The following ABLIM1 variants were observed in gnomAD, a reference collection of about 807,000 sequenced individuals.
ABLIM1 encodes the protein actin-binding LIM protein 1.
Under a neutral mutation model 107.0 loss-of-function variants are expected in ABLIM1, and 40 were observed. That is an observed-to-expected ratio of 0.37 (90% CI 0.29 to 0.49). ABLIM1 has a LOEUF of 0.49. ABLIM1 is among the 20% of genes least tolerant of loss of function. The pLI, the probability that ABLIM1 is intolerant of heterozygous loss-of-function variation, is 0.97. For missense variants in ABLIM1, 857 were observed against 1,008.5 expected, an observed-to-expected ratio of 0.85 and a Z score of 2.04; for synonymous variants, 357 against 357.3, an observed-to-expected ratio of 1.00 and a Z score of 0.01.
intron 1 of ABLIM1, among the ~76,000 whole-genome samples, chr10:114,747,271 A>T (rs808318): frequency 0.057 from 8,747 of 152,294 alleles, 328 homozygotes; most frequent in Middle Eastern, 0.095. Flanking sequence ...GGCCATGAAG[A>T]TCCCCAAATG....
chr10:114,476,960 G>A (rs981517886), intron 8 of ABLIM1, among the ~76,000 whole-genome samples: 3 of 152,082 alleles, frequency 2.0e-5, no homozygotes, highest in African/African-American at 7.2e-5. Context: ...CCTGTGCCAA[G>A]CACTTCCCAG....
At chr10:114,461,812 CTG>C (rs1241993816) in intron 12 of ABLIM1, among the ~76,000 whole-genome samples, 1 of 151,740 alleles carries the variant, frequency 6.6e-6, no homozygotes. Context: ...GAGTGAGACT[CTG>C]TGTCAAAACA....
chr10:114,677,102 A>T (rs2080521701), intron 1 of ABLIM1, among the ~76,000 whole-genome samples: 1 of 151,632 alleles, frequency 6.6e-6, no homozygotes. Context: ...CCTCTGGGGG[A>T]CCCTCCTGGA....
intron 1 of ABLIM1, among the ~76,000 whole-genome samples, chr10:114,648,357 T>C (rs1183558447): frequency 6.6e-6 from 1 of 152,112 alleles, no homozygotes; most frequent in East Asian, 1.9e-4. Flanking sequence ...TAAGAAGGAA[T>C]ACGGTATTGA....
At position 114,431,595 on chromosome 10, in the gene ABLIM1, T is replaced by C. The variant is rs1245033224; in HGVS notation, c.*4665A>G. On this transcript the variant is annotated 3_prime_UTR_variant, in exon 23 of 23. Coordinates refer to ENST00000533213, the MANE Select transcript of ABLIM1 (RefSeq NM_002313.7). ...TGGTTTCCTCTGCTGTAAAGAAACG[T>C]ATGCATATATGATCAGTAAGCAGCT... The C allele has an allele frequency of 6.6e-6, 1 of 152,202 alleles. No homozygotes were observed. The highest frequency in any genetic ancestry group is 2.4e-5 in the African/African-American group (1 of 41,452). The allele number at this position is 152,202 out of a possible 1,614,324, so 9.4% of individuals were successfully genotyped here. A position where few individuals can be genotyped will look rare whatever the true frequency, so the allele number is the denominator to read the frequency against.
intron 3 of ABLIM1, among the ~76,000 whole-genome samples, chr10:114,573,353 A>C (rs1308851598): frequency 2.0e-5 from 3 of 152,220 alleles, no homozygotes; most frequent in Non-Finnish European, 4.4e-5. Context: ...TATGAATATA[A>C]CTTCTCAACT....
intron 4 of ABLIM1, among the ~76,000 whole-genome samples, chr10:114,549,100 G>T (rs187422697): frequency 1.3e-5 from 2 of 152,114 alleles, no homozygotes; most frequent in East Asian, 3.8e-4. Context: ...TACCTAGCAC[G>T]TGGGCTGGGT....
At chr10:114,536,621 A>G (rs2066067544) in intron 6 of ABLIM1, among the ~76,000 whole-genome samples, 2 of 152,016 alleles carry the variant, frequency 1.3e-5, no homozygotes, top group Non-Finnish European at 2.9e-5. Context: ...GTTCCTTTTT[A>G]TGGCTGAATA....
chr10:114,588,614 C>A (rs1019761094), intron 2 of ABLIM1, among the ~76,000 whole-genome samples: 2 of 150,168 alleles, frequency 1.3e-5, no homozygotes, highest in African/African-American at 4.9e-5. Flanking sequence ...CCTTCCTCAG[C>A]CTCCTGAGTA....
chr10:114,435,537 T>C lies in ABLIM1; in HGVS notation c.*723A>G, dbSNP rs1049370447. The C allele has an allele frequency of 6.6e-6, 1 of 152,156 alleles. No individual in the cohort carries two copies. The allele number at this position is 152,156 out of a possible 1,614,324, so 9.4% of individuals were successfully genotyped here. On this transcript the variant is annotated 3_prime_UTR_variant, in exon 23 of 23. Coordinates refer to ENST00000533213, the MANE Select transcript of ABLIM1 (RefSeq NM_002313.7). ...GACCTGCTATGGGAAGCAGAAAGAG[T>C]TAAGGGAAGGTTTCCTTTCATTCCT...
intron 1 of ABLIM1, among the ~76,000 whole-genome samples, chr10:114,701,476 G>T (rs2081306145): frequency 6.6e-6 from 1 of 152,120 alleles, no homozygotes; most frequent in Non-Finnish European, 1.5e-5. Flanking sequence ...AATGTTCACA[G>T]CAGCTTTATT....
chr10:114,778,236 C>G, the ABLIM1 span: 1 of 152,386 alleles, frequency 6.6e-6, no homozygotes, highest in Non-Finnish European at 1.5e-5. Flanking sequence ...TAGTGTCACA[C>G]ACCTGTGGTC....
upstream of ABLIM1, among the ~76,000 whole-genome samples, chr10:114,689,714 C>CTT (rs368170657): frequency 2.0e-5 from 3 of 147,912 alleles, no homozygotes; most frequent in African/African-American, 7.4e-5. Flanking sequence ...CCTTCCTTTC[C>CTT]TTTTTTTTTT....
chr10:114,751,423 G>T (rs1367887771), intron 1 of ABLIM1, among the ~76,000 whole-genome samples: 1 of 152,066 alleles, frequency 6.6e-6, no homozygotes, highest in Admixed American at 6.6e-5. Context: ...CACTCTCCAA[G>T]AGAAAATTGG....
At chr10:114,544,003 A>G (rs987554770) in intron 6 of ABLIM1, among the ~76,000 whole-genome samples, 1 of 152,244 alleles carries the variant, frequency 6.6e-6, no homozygotes, top group Admixed American at 6.5e-5. Flanking sequence ...TTAGGGGGCT[A>G]CACTGGGCCT....
upstream of ABLIM1, among the ~76,000 whole-genome samples, chr10:114,768,611 C>A (rs1278467167): frequency 6.6e-6 from 1 of 152,024 alleles, no homozygotes; most frequent in Non-Finnish European, 1.5e-5. Flanking sequence ...ACGCGGGGAC[C>A]GACCCACCAG....
chr10:114,690,678 G>T, intron 1 of ABLIM1: 2 of 524,352 alleles, frequency 3.8e-6, no homozygotes. Context: ...GGCAGCGTCT[G>T]CAAAAGCCTA....
intron 1 of ABLIM1, among the ~76,000 whole-genome samples, chr10:114,654,554 C>T (rs2079405544): frequency 6.6e-6 from 1 of 152,102 alleles, no homozygotes; most frequent in Non-Finnish European, 1.5e-5. Context: ...CCAAGTGATC[C>T]TCCTGCCTCA....
chr10:114,495,598 C>T (rs1382640603), intron 6 of ABLIM1, among the ~76,000 whole-genome samples: 7 of 151,814 alleles, frequency 4.6e-5, no homozygotes, highest in East Asian at 3.9e-4. Flanking sequence ...ATTGTGGTGA[C>T]GATGATGTGG....
Sources: gnomAD v4.1 joint callset for allele counts (sites outside exome capture counted in the v4.1 genomes callset) on GRCh38, gnomAD v4.1.1 for gene constraint, MANE v1.5 for transcripts, NCBI Gene and HGNC (gene_info 2026-07-23, HGNC 2026-07-21) for gene names.